The following DRC11 variants were observed in gnomAD, a reference collection of about 807,000 sequenced individuals.
The protein encoded by DRC11 is dynein regulatory complex subunit 11, also known as IQ and AAA domain-containing protein 1.
At chr2:236,318,041 T>C in the DRC11 span, among the ~76,000 whole-genome samples, 1 of 152,184 alleles carries the variant, frequency 6.6e-6, no homozygotes, top group Non-Finnish European at 1.5e-5. This position sits in a 1 kb window ranked among gnomAD's most constrained non-coding sequence, Gnocchi z 7.0. Flanking sequence ...TCCTGGAAAG[T>C]TCATTAGCTT....
the DRC11 span, among the ~76,000 whole-genome samples, chr2:236,483,473 C>G: frequency 9.2e-5 from 14 of 152,178 alleles, no homozygotes; most frequent in African/African-American, 2.7e-4. This position sits in a 1 kb window ranked among gnomAD's most constrained non-coding sequence, Gnocchi z 4.8. Flanking sequence ...CATATCTGCT[C>G]TTCTGGTGTT....
the DRC11 span, among the ~76,000 whole-genome samples, chr2:236,424,175 C>T: frequency 2.0e-5 from 3 of 151,894 alleles, no homozygotes; most frequent in Non-Finnish European, 4.4e-5. Context: ...ACGTTGTGCA[C>T]ATGTACCCTA....
the DRC11 span, among the ~76,000 whole-genome samples, chr2:236,310,252 C>G: frequency 4.6e-5 from 7 of 152,134 alleles, no homozygotes; most frequent in African/African-American, 2.4e-5. The surrounding 1 kb of genome is among the most constrained non-coding windows in gnomAD (Gnocchi z 5.5). Flanking sequence ...GCTGGCTTCA[C>G]CAAGGCCCAA....
the DRC11 span, chr2:236,391,971 C>A: frequency 6.2e-7 from 1 of 1,613,434 alleles, no homozygotes; most frequent in South Asian, 1.1e-5. The surrounding 1 kb of genome is among the most constrained non-coding windows in gnomAD (Gnocchi z 4.5). Flanking sequence ...TCCTTCCCCA[C>A]TCACCTTGTC....
At chr2:236,346,620 T>G in the DRC11 span, 1 of 168,916 alleles carries the variant, frequency 5.9e-6, no homozygotes, top group Non-Finnish European at 1.5e-5. Context: ...GGTGGTTATG[T>G]TACAGTGGGG....
At chr2:236,430,861 A>G in the DRC11 span, among the ~76,000 whole-genome samples, 1 of 152,082 alleles carries the variant, frequency 6.6e-6, no homozygotes, top group South Asian at 2.1e-4. This position sits in a 1 kb window ranked among gnomAD's most constrained non-coding sequence, Gnocchi z 6.0. Flanking sequence ...TGGAAAATGT[A>G]GTCGCTTTTG....
At chr2:236,416,742 TA>T in the DRC11 span, among the ~76,000 whole-genome samples, 4 of 55,952 alleles carry the variant, frequency 7.1e-5, no homozygotes, top group Admixed American at 1.8e-4. Flanking sequence ...TATATATATA[TA>T]TATATATATA....
At chr2:236,503,186 G>C in the DRC11 span, among the ~76,000 whole-genome samples, 2 of 152,188 alleles carry the variant, frequency 1.3e-5, no homozygotes, top group East Asian at 3.8e-4. The surrounding 1 kb of genome is among the most constrained non-coding windows in gnomAD (Gnocchi z 4.9). Context: ...GGCTGCCTCC[G>C]TGAAGTTCAG....
the DRC11 span, chr2:236,488,167 A>C: frequency 6.2e-7 from 1 of 1,604,330 alleles, no homozygotes; most frequent in Non-Finnish European, 8.5e-7. Flanking sequence ...GCCTCATCGA[A>C]AGGGATACTC....
the DRC11 span, among the ~76,000 whole-genome samples, chr2:236,505,000 A>C: frequency 0.067 from 10,226 of 152,280 alleles, 853 homozygotes; most frequent in African/African-American, 0.19. The surrounding 1 kb of genome is among the most constrained non-coding windows in gnomAD (Gnocchi z 5.0). Context: ...ACAGACTAAT[A>C]CAGATGGAAC....
chr2:236,450,181 T>C, the DRC11 span, among the ~76,000 whole-genome samples: 1 of 152,190 alleles, frequency 6.6e-6, no homozygotes, highest in Non-Finnish European at 1.5e-5. Context: ...AGTTTGATTA[T>C]TGACTTTATA....
chr2:236,390,041 T>C, the DRC11 span, among the ~76,000 whole-genome samples: 2,820 of 152,288 alleles, frequency 0.019, 95 homozygotes, highest in African/African-American at 0.065. This position sits in a 1 kb window ranked among gnomAD's most constrained non-coding sequence, Gnocchi z 5.9. Flanking sequence ...TGATTTTCTG[T>C]CTGGATGATA....
At chr2:236,392,403 T>A in the DRC11 span, 10 of 982,392 alleles carry the variant, frequency 1.0e-5, no homozygotes, top group Non-Finnish European at 1.3e-5. This position sits in a 1 kb window ranked among gnomAD's most constrained non-coding sequence, Gnocchi z 5.1. Flanking sequence ...TAAAAAGATA[T>A]AGGTTAATGA....
chr2:236,360,306 T>A, the DRC11 span, among the ~76,000 whole-genome samples: 1 of 152,228 alleles, frequency 6.6e-6, no homozygotes. The surrounding 1 kb of genome is among the most constrained non-coding windows in gnomAD (Gnocchi z 5.8). Context: ...TGCCTCAGTT[T>A]TCTTAACAGT....
the DRC11 span, among the ~76,000 whole-genome samples, chr2:236,501,668 G>A: frequency 6.6e-6 from 1 of 152,104 alleles, no homozygotes; most frequent in African/African-American, 2.4e-5. Context: ...AACCCAAGGC[G>A]CTCACTGGCC....
the DRC11 span, chr2:236,408,516 G>C: frequency 1.4e-6 from 1 of 733,510 alleles, no homozygotes; most frequent in African/African-American, 1.7e-5. This position sits in a 1 kb window ranked among gnomAD's most constrained non-coding sequence, Gnocchi z 5.5. Context: ...CGGTGCCTCT[G>C]TTCACCTGGA....
chr2:236,411,670 G>T, the DRC11 span, among the ~76,000 whole-genome samples: 10 of 146,990 alleles, frequency 6.8e-5, no homozygotes, highest in East Asian at 2.0e-4. Flanking sequence ...TGATAGACTG[G>T]ATTAAGAAAA....
the DRC11 span, among the ~76,000 whole-genome samples, chr2:236,373,808 C>T: frequency 4.6e-5 from 7 of 152,120 alleles, no homozygotes; most frequent in East Asian, 3.9e-4. Flanking sequence ...GTTAAAAATG[C>T]GGTGGTTTGC....
chr2:236,447,577 T>C, the DRC11 span, among the ~76,000 whole-genome samples: 2 of 152,204 alleles, frequency 1.3e-5, no homozygotes, highest in East Asian at 3.8e-4. The surrounding 1 kb of genome is among the most constrained non-coding windows in gnomAD (Gnocchi z 4.6). Context: ...GACCAAATGT[T>C]GACTAATGGT....
Sources: gnomAD v4.1 joint callset for allele counts (sites outside exome capture counted in the v4.1 genomes callset) on GRCh38, gnomAD v4.1.1 for gene constraint, Gnocchi (gnomAD v3.1) non-coding constraint, MANE v1.5 for transcripts, NCBI Gene and HGNC (gene_info 2026-07-23, HGNC 2026-07-21) for gene names.